The following PCLO variants were observed in gnomAD, a reference collection of about 807,000 sequenced individuals.
PCLO encodes piccolo presynaptic cytomatrix protein.
PCLO carries 82 observed loss-of-function variants against 427.5 expected under a neutral mutation model. The ratio of observed to expected loss-of-function variants is 0.19; its 90% CI spans 0.16 to 0.23. PCLO has a LOEUF of 0.23. Ranked by LOEUF, PCLO falls within the 10% of genes least tolerant of loss-of-function variation. The probability of loss-of-function intolerance (pLI) is 1.00; values close to 1 mark genes in which losing one functional copy is unlikely to be tolerated. For missense variants in PCLO, 6,239 were observed against 6,115.9 expected, an observed-to-expected ratio of 1.02 and a Z score of -0.67; for synonymous variants, 2,357 against 2,155.4, an observed-to-expected ratio of 1.09 and a Z score of -2.59.
rs1404593948 is a variant in PCLO, at chr7:82,846,614, T to C, written c.13784A>G (p.Asp4595Gly). The C allele has an allele frequency of 3.7e-6, 6 of 1,607,282 alleles. No individual in the cohort carries two copies. The African/African-American group carries it at 8.0e-5, about 21-fold the overall frequency. The change falls in exon 12 of 25, where the codon GAT becomes GGT. Residue 4595 changes from aspartate (D) to glycine (G), a missense_variant. Physicochemically the swap from Asp to Gly is moderately conservative, Grantham distance 94 (BLOSUM62 -1). Transcript: ENST00000333891. ...TTCCAGATGCTGGGAATTTTCAGAA[T>C]CTGATAGCATATTGAGGTCCCTAAA... ...CVRLDLNMLS[D>G]SENSQHLELH...
chr7:83,162,507 G>C lies in PCLO; in HGVS notation c.86C>G (p.Ala29Gly). Residue 29 changes from alanine (A) to glycine (G), a missense_variant, in exon 1 of 25, where the codon GCG becomes GGG. Ala to Gly is a moderately conservative substitution (Grantham distance 60). Coordinates refer to ENST00000333891, the MANE Select transcript of PCLO (RefSeq NM_033026.6). ...GATCGCGGTGTGAGAGGGGCTCCCCGCCCCGCTAGCTCCTCCTCCAGCCGC... is the reference window on the plus strand; with the variant it reads ...GATCGCGGTGTGAGAGGGGCTCCCCCCCCCGCTAGCTCCTCCTCCAGCCGC... ...AAAAGGGASGAGSPSHTAIPA... is the reference protein window; with the variant it reads ...AAAAGGGASGGGSPSHTAIPA... The C allele has an allele frequency of 6.4e-7, 1 of 1,563,132 alleles. No homozygotes were observed. Among genetic ancestry groups the C allele is most frequent in the Admixed American group, 1.9e-5 (1 of 52,944 alleles).
chr7:82,813,401 A>G (rs993938221), intron 20 of PCLO, among the ~76,000 whole-genome samples: 1 of 151,768 alleles, frequency 6.6e-6, no homozygotes. Context: ...TGTACAGGTT[A>G]TGATAGAACC....
intron 3 of PCLO, among the ~76,000 whole-genome samples, chr7:83,070,630 G>A (rs561574575): frequency 2.7e-4 from 41 of 152,134 alleles, no homozygotes; most frequent in African/African-American, 7.2e-4. Flanking sequence ...CTTGTGATCC[G>A]CCCGCCTCGG....
At chr7:83,123,556 T>C (rs181055176) in intron 3 of PCLO, among the ~76,000 whole-genome samples, 21 of 152,256 alleles carry the variant, frequency 1.4e-4, no homozygotes, top group Admixed American at 1.4e-3. Context: ...CTCCAGAACA[T>C]TGGTCTGGGC....
At chr7:83,152,246 G>A (rs895907842) in intron 2 of PCLO, among the ~76,000 whole-genome samples, 1 of 151,742 alleles carries the variant, frequency 6.6e-6, no homozygotes, top group Non-Finnish European at 1.5e-5. Context: ...TTACAGGCAT[G>A]AGCCACCACG....
At chr7:83,108,900 G>C (rs1206576367) in intron 3 of PCLO, among the ~76,000 whole-genome samples, 1 of 152,142 alleles carries the variant, frequency 6.6e-6, no homozygotes, top group Non-Finnish European at 1.5e-5. Flanking sequence ...GTGGCTACCT[G>C]AAGTAGCTCT....
At chr7:82,818,033 T>TA (rs1791712557) in intron 20 of PCLO, among the ~76,000 whole-genome samples, 1 of 152,070 alleles carries the variant, frequency 6.6e-6, no homozygotes, top group Non-Finnish European at 1.5e-5. Flanking sequence ...AACCAACAAA[T>TA]AAAAAATCTT....
intron 4 of PCLO, among the ~76,000 whole-genome samples, chr7:82,961,027 T>A (rs187199030): frequency 2.5e-4 from 38 of 152,302 alleles, no homozygotes; most frequent in South Asian, 6.2e-4. Context: ...GGCACAGAAA[T>A]TCAGTTCCCC....
Position 82,951,285 on chromosome 7 carries a change from A to G in PCLO, c.9303T>C (p.Phe3101=). 1 of 1,613,458 alleles carries G rather than the reference A, an allele frequency of 6.2e-7. No homozygotes were observed. The highest frequency in any genetic ancestry group is 8.5e-7 in the Non-Finnish European group (1 of 1,179,706). The part of the protein sequence containing the change: ...SSVATPTPST[F]AITTQPGSIF... ...TGGAGCCAGGTTGTGTGGTGATAGC[A>G]AATGTAGAGGGTGTTGGAGTTGCTA... is the stretch of plus-strand genomic sequence containing the variant. Residue 3101 remains phenylalanine (F), a synonymous_variant, in exon 6 of 25, where the codon TTT becomes TTC. Transcript: ENST00000333891.
Position 82,954,532 on chromosome 7 carries a change from TTTCTTCTGTTGAAAAATG to T in PCLO, c.6403_6420del (p.His2135_Glu2140del). ...TAATCGGTTACATATTCATCCTCAA[TTTCTTCTGTTGAAAAATG>T]TTGGGTTATTTTAACATCTGGGATA... On this transcript the variant is annotated inframe_deletion, in exon 5 of 25. Coordinates refer to ENST00000333891, the MANE Select transcript of PCLO (RefSeq NM_033026.6). 6.2e-7 allele frequency: 1 copy of T among 1,613,948 alleles called. No individual in the cohort carries two copies. Among genetic ancestry groups the T allele is most frequent in the South Asian group, 1.1e-5 (1 of 91,088 alleles).
chr7:82,902,652 T>C lies in PCLO; in HGVS notation c.13527A>G (p.Ser4509=). The C allele has an allele frequency of 1.3e-6, 2 of 1,553,182 alleles. No individual in the cohort carries two copies. Among genetic ancestry groups the C allele is most frequent in the South Asian group, 1.1e-5 (1 of 89,708 alleles). ...ITRDSKDHTV[S]GNGLGIRIVG... is the part of the protein sequence containing the mutation. ...ATTAGATTATATGATTTGCTTTACC[T>C]GAAACTGTGTGATCCTTTGAGTCTC... The change falls in exon 9 of 25, where the codon TCA becomes TCG. Residue 4509 remains serine, a splice_region_variant and synonymous_variant. Coordinates refer to ENST00000333891, the MANE Select transcript of PCLO (RefSeq NM_033026.6).
At chr7:82,850,445 G>A (rs1222399430) in intron 10 of PCLO, among the ~76,000 whole-genome samples, 1 of 152,020 alleles carries the variant, frequency 6.6e-6, no homozygotes, top group Non-Finnish European at 1.5e-5. Context: ...GGTAATTCAA[G>A]AACTTAGTAT....
chr7:83,081,575 T>C (rs115663874), intron 3 of PCLO, among the ~76,000 whole-genome samples: 1,776 of 151,982 alleles, frequency 0.012, 14 homozygotes, highest in Non-Finnish European at 0.014. Flanking sequence ...TTTTGTGAAA[T>C]AGATCCAACT....
At chr7:83,008,087 A>C (rs2115969972) in intron 3 of PCLO, among the ~76,000 whole-genome samples, 1 of 151,770 alleles carries the variant, frequency 6.6e-6, no homozygotes, top group South Asian at 2.1e-4. Flanking sequence ...TATTTGTGTA[A>C]TAAATACACA....
In PCLO at chr7:82,879,475, AT is replaced by A; in HGVS notation, c.13529-14del. 6.4e-7 allele frequency: 1 copy of A among 1,559,066 alleles called. No homozygotes were observed. The highest frequency in any genetic ancestry group is 8.8e-7 in the Non-Finnish European group (1 of 1,141,544). Reference sequence around the variant, plus strand: ...CCTAATCCATTACCTGTATTAAACAATTAGCAAATTATTAGTACTAATTTAA... The same window carrying A: ...CCTAATCCATTACCTGTATTAAACAATAGCAAATTATTAGTACTAATTTAA... On this transcript the variant is annotated splice_polypyrimidine_tract_variant and intron_variant, in intron 9 of 24. Coordinates refer to ENST00000333891, the MANE Select transcript of PCLO (RefSeq NM_033026.6).
intron 3 of PCLO, among the ~76,000 whole-genome samples, chr7:83,024,098 G>T (rs1233689217): frequency 6.6e-6 from 1 of 152,174 alleles, no homozygotes; most frequent in Non-Finnish European, 1.5e-5. Flanking sequence ...GCTCACTCAA[G>T]GAGCCAAGAT....
At chr7:82,945,745 C>T (rs1297226560) in intron 6 of PCLO, among the ~76,000 whole-genome samples, 3 of 152,072 alleles carry the variant, frequency 2.0e-5, no homozygotes, top group Admixed American at 6.6e-5. Context: ...TTTATCACCA[C>T]GTCTGGAAAA....
intron 1 of PCLO, among the ~76,000 whole-genome samples, chr7:83,157,884 T>C (rs1439580163): frequency 6.6e-6 from 1 of 152,068 alleles, no homozygotes; most frequent in Non-Finnish European, 1.5e-5. Context: ...TTATAGGTTC[T>C]AATTGGGTTT....
intron 20 of PCLO, among the ~76,000 whole-genome samples, chr7:82,817,308 T>C (rs1791697418): frequency 6.6e-6 from 1 of 152,206 alleles, no homozygotes; most frequent in African/African-American, 2.4e-5. Flanking sequence ...ATTAATCTTG[T>C]ACATACAATG....
Sources: allele counts gnomAD v4.1 joint callset (sites outside exome capture counted in the v4.1 genomes callset), GRCh38; gene constraint gnomAD v4.1.1; transcripts MANE v1.5; gene names NCBI Gene and HGNC (gene_info 2026-07-23, HGNC 2026-07-21).